The following CUL1 variants were observed in gnomAD, a reference collection of about 807,000 sequenced individuals.
The protein encoded by CUL1 is cullin-1.
Under a neutral mutation model 118.0 loss-of-function variants are expected in CUL1, and 24 were observed. The ratio of observed to expected loss-of-function variants is 0.20; its 90% confidence interval spans 0.15 to 0.29. The LOEUF (loss-of-function observed/expected upper bound fraction) is 0.29. Among genes scored for constraint, CUL1 ranks in the 10% least tolerant of loss-of-function variants. The pLI, the probability that CUL1 is intolerant of heterozygous loss-of-function variation, is 1.00. For missense variants in CUL1, 361 were observed against 933.8 expected, an observed-to-expected ratio of 0.39 and a Z score of 7.99; for synonymous variants, 332 against 340.4, an observed-to-expected ratio of 0.98 and a Z score of 0.27.
Position 148,798,031 on chromosome 7 carries a change from C to A in CUL1, c.2030+12C>A. 1 of 1,506,206 alleles carries A rather than the reference C, an allele frequency of 6.6e-7. No individual in the cohort carries two copies. The highest frequency in any genetic ancestry group is 9.2e-7 in the Non-Finnish European group (1 of 1,086,954). 93.3% of individuals were successfully genotyped at this position (1,506,206 alleles called of 1,614,324 possible). The stretch of plus-strand genomic sequence containing the variant: ...CTTGGTTATAAAAAGTAAGAAAAAT[C>A]TAATAAGTAGATGGCCCTTGACCAT... On this transcript the variant is annotated intron_variant, in intron 19 of 21. Coordinates refer to ENST00000325222, the MANE Select transcript of CUL1 (RefSeq NM_003592.3).
At chr7:148,709,951 C>T (rs1797999132) in intron 1 of CUL1, among the ~76,000 whole-genome samples, 1 of 151,852 alleles carries the variant, frequency 6.6e-6, no homozygotes, top group African/African-American at 2.4e-5. Context: ...GGTGTGGTGG[C>T]CCACACCTGT....
chr7:148,725,341 C>T (rs1464609168), intron 1 of CUL1, among the ~76,000 whole-genome samples: 1 of 152,200 alleles, frequency 6.6e-6, no homozygotes, highest in African/African-American at 2.4e-5. Context: ...ACCCAGATGC[C>T]CCTTCAAGGA....
rs1410931287 is a variant in CUL1 at position 148,787,622 on chromosome 7, C to T, written c.1479+502C>T. On this transcript the variant is annotated intron_variant, in intron 13 of 21. Transcript: ENST00000325222. This position sits in a 1 kb window ranked among gnomAD's most constrained non-coding sequence, Gnocchi z 5.5. Reference sequence around the variant, plus strand: ...CCCGGTGCCTTCCCAACCCCTTCCCCACCCCACTGTGGGGCTTCCATCCTA... The same window carrying T: ...CCCGGTGCCTTCCCAACCCCTTCCCTACCCCACTGTGGGGCTTCCATCCTA... Among the ~76,000 whole-genome samples the T allele has an allele frequency of 6.6e-6, 1 of 152,164 alleles. No individual in the cohort carries two copies. The highest frequency in any genetic ancestry group is 2.4e-5 in the African/African-American group (1 of 41,450).
chr7:148,731,196 C>T (rs563368006), intron 2 of CUL1, among the ~76,000 whole-genome samples: 26 of 152,310 alleles, frequency 1.7e-4, no homozygotes, highest in African/African-American at 5.8e-4. Context: ...AATTTGGAGG[C>T]TTTCTTGATT....
chr7:148,768,333 T>C (rs772004313), intron 9 of CUL1, among the ~76,000 whole-genome samples: 1 of 151,962 alleles, frequency 6.6e-6, no homozygotes, highest in Non-Finnish European at 1.5e-5. Flanking sequence ...TTGCTCCTGT[T>C]GTGAACTTCA....
At chr7:148,750,984 T>TAA (rs71192723) in intron 2 of CUL1, among the ~76,000 whole-genome samples, 2 of 143,186 alleles carry the variant, frequency 1.4e-5, no homozygotes, top group African/African-American at 2.6e-5. Context: ...CCTGTCTCTT[T>TAA]AAAAAAAAAA....
chr7:148,732,679 T>C (rs906295926), intron 2 of CUL1, among the ~76,000 whole-genome samples: 4 of 152,138 alleles, frequency 2.6e-5, no homozygotes, highest in Non-Finnish European at 4.4e-5. Context: ...ATCAGGTTGG[T>C]CCTTTTTCTG....
chr7:148,730,692 T>A (rs1584774148), intron 2 of CUL1, among the ~76,000 whole-genome samples: 1 of 152,378 alleles, frequency 6.6e-6, no homozygotes, highest in East Asian at 1.9e-4. Flanking sequence ...TAAGTAGTTG[T>A]GTCAGAAACA....
intron 2 of CUL1, among the ~76,000 whole-genome samples, chr7:148,733,663 T>C (rs1741524198): frequency 6.6e-6 from 1 of 151,944 alleles, no homozygotes; most frequent in African/African-American, 2.4e-5. Flanking sequence ...AAGAAGGAGC[T>C]GGCAGTGCCT....
At chr7:148,731,808 TTGAC>T (rs368065407) in intron 2 of CUL1, among the ~76,000 whole-genome samples, 5 of 152,238 alleles carry the variant, frequency 3.3e-5, no homozygotes, top group South Asian at 2.1e-4. Flanking sequence ...TGTGGCTTCT[TTGAC>T]TGAGCATGCT....
chr7:148,786,420 A>T, intron 11 of CUL1, 131 bp from the exon 12 acceptor site: 1 of 677,316 alleles, frequency 1.5e-6, no homozygotes, highest in East Asian at 2.6e-5. Context: ...AGGAAAGTCA[A>T]CCTTCCCTCT....
intron 1 of CUL1, among the ~76,000 whole-genome samples, chr7:148,709,816 G>A (rs1241311686): frequency 6.6e-6 from 1 of 152,184 alleles, no homozygotes; most frequent in Non-Finnish European, 1.5e-5. Flanking sequence ...AGGCGTGGTG[G>A]CTCACGTCTG....
At chr7:148,726,816 C>T (rs1358607532) in intron 1 of CUL1, among the ~76,000 whole-genome samples, 3 of 143,780 alleles carry the variant, frequency 2.1e-5, no homozygotes, top group South Asian at 2.2e-4. Flanking sequence ...AGTAACATGA[C>T]GAAACCCCAT....
intron 1 of CUL1, among the ~76,000 whole-genome samples, chr7:148,729,288 A>G (rs1798679801): frequency 6.6e-6 from 1 of 152,238 alleles, no homozygotes; most frequent in South Asian, 2.1e-4. Context: ...ATTTGAGGAA[A>G]GTAATTGGCC....
chr7:148,789,953 T>C (rs2129463134), intron 15 of CUL1, 127 bp downstream of exon 15: 1 of 866,216 alleles, frequency 1.2e-6, no homozygotes, highest in Admixed American at 1.9e-5. Context: ...CGGTGAACCA[T>C]GGGGGCAACA....
At chr7:148,737,626 C>T (rs1186477162) in intron 2 of CUL1, among the ~76,000 whole-genome samples, 2 of 147,716 alleles carry the variant, frequency 1.4e-5, no homozygotes, top group Admixed American at 7.0e-5. Flanking sequence ...TTTCAGAGGG[C>T]GCCTCACTCT....
intron 9 of CUL1, among the ~76,000 whole-genome samples, chr7:148,770,639 T>TC: frequency 6.6e-6 from 1 of 152,208 alleles, no homozygotes; most frequent in Non-Finnish European, 1.5e-5. Context: ...CTCGTGCCCT[T>TC]CCCTGCTCTG....
chr7:148,716,428 C>T (rs1384486139), intron 1 of CUL1, among the ~76,000 whole-genome samples: 1 of 152,172 alleles, frequency 6.6e-6, no homozygotes, highest in Non-Finnish European at 1.5e-5. Flanking sequence ...CATTCATAAT[C>T]AAAGGAACTG....
intron 2 of CUL1, 90 bp downstream of exon 2, chr7:148,730,352 C>A: frequency 7.4e-7 from 1 of 1,356,372 alleles, no homozygotes; most frequent in South Asian, 1.5e-5. Context: ...ATATTGTTTT[C>A]TCCTCCCAGT....
Sources: allele counts gnomAD v4.1 joint callset (sites outside exome capture counted in the v4.1 genomes callset), GRCh38; gene constraint gnomAD v4.1.1; non-coding constraint Gnocchi (gnomAD v3.1); transcripts MANE v1.5; gene names NCBI Gene and HGNC (gene_info 2026-07-23, HGNC 2026-07-21).